The following NIPBL variants were observed in gnomAD, a reference collection of about 807,000 sequenced individuals.
NIPBL encodes nipped-B-like protein.
Under a neutral mutation model 321.8 loss-of-function variants are expected in NIPBL, and 19 were observed. That is an observed-to-expected ratio of 0.06 (90% confidence interval 0.04 to 0.09). The LOEUF (loss-of-function observed/expected upper bound fraction) is 0.09. NIPBL is among the 10% of genes least tolerant of loss of function. NIPBL has a pLI of 1.00. For missense variants in NIPBL, 2,210 were observed against 3,327.0 expected, an observed-to-expected ratio of 0.66 and a Z score of 8.26; for synonymous variants, 1,106 against 1,114.1, an observed-to-expected ratio of 0.99 and a Z score of 0.14.
At chr5:37,035,438 G>A (rs547145037) in intron 32 of NIPBL, among the ~76,000 whole-genome samples, 1 of 152,296 alleles carries the variant, frequency 6.6e-6, no homozygotes, top group South Asian at 2.1e-4. Context: ...TGTTACTCTG[G>A]TTGCTGTCAG....
At chr5:36,999,329 T>A (rs1388115721) in intron 11 of NIPBL, among the ~76,000 whole-genome samples, 1 of 152,314 alleles carries the variant, frequency 6.6e-6, no homozygotes, top group East Asian at 1.9e-4. Context: ...TTTATCATTG[T>A]CAGCAACAAG....
At chr5:36,936,975 C>T (rs1738503307) in intron 1 of NIPBL, among the ~76,000 whole-genome samples, 1 of 152,088 alleles carries the variant, frequency 6.6e-6, no homozygotes, top group African/African-American at 2.4e-5. Context: ...AGTTTGTTCA[C>T]ATATAGCCTT....
intron 45 of NIPBL, 113 bp from the exon 46 acceptor site, chr5:37,063,677 G>A: frequency 2.0e-6 from 2 of 1,009,480 alleles, no homozygotes; most frequent in Non-Finnish European, 3.0e-6. Context: ...TTAGATGATG[G>A]CTAACGTCTG....
Position 37,014,565 on chromosome 5 carries a change from T to A in NIPBL, c.4561-118T>A, listed in dbSNP as rs948947800. 35 of 654,838 alleles carry A rather than the reference T, an allele frequency of 5.3e-5. No homozygotes were observed. In the African/African-American group the frequency reaches 6.3e-4, roughly 12 times the overall value. The allele number at this position is 654,838 out of a possible 1,614,324, so 40.6% of individuals were successfully genotyped here. A position where few individuals can be genotyped will look rare whatever the true frequency, so the allele number is the denominator to read the frequency against. ...GCTTCTCTTATTATATATAATGTAA[T>A]AGTTTAAGCATTTTAGTATTTAAAT... On this transcript the variant is annotated intron_variant, in intron 21 of 46. Coordinates refer to ENST00000282516, the MANE Select transcript of NIPBL (RefSeq NM_133433.4).
intron 4 of NIPBL, among the ~76,000 whole-genome samples, chr5:36,959,928 A>G (rs1032030267): frequency 7.9e-5 from 12 of 151,996 alleles, no homozygotes; most frequent in African/African-American, 2.9e-4. Context: ...CTGGTGATAT[A>G]TGGCTTTGAA....
chr5:36,992,873 G>T (rs1252890405), intron 10 of NIPBL, among the ~76,000 whole-genome samples: 2 of 151,914 alleles, frequency 1.3e-5, no homozygotes, highest in Admixed American at 6.6e-5. Context: ...CTCCCGAGTA[G>T]CTGGGACTAC....
In NIPBL at chr5:36,876,830, GCCCTCCCCC is replaced by G; in HGVS notation, c.-420_-412del. 4.9e-6 allele frequency: 1 copy of G among 203,378 alleles called. No homozygotes were observed. 12.6% of individuals were successfully genotyped at this position (203,378 alleles called of 1,614,324 possible). A position where few individuals can be genotyped will look rare whatever the true frequency, so the allele number is the denominator to read the frequency against. Reference sequence around the variant, plus strand: ...GACACACACAGGGCTCCTTCCCCCCGCCCTCCCCCCCCTCCCTCCGTCGGTACCGACTCA... The same window carrying G: ...GACACACACAGGGCTCCTTCCCCCCGCCCTCCCTCCGTCGGTACCGACTCA... On this transcript the variant is annotated 5_prime_UTR_variant, in exon 1 of 47. Transcript: ENST00000282516.
rs572178354 is a variant in NIPBL at position 37,020,451 on chromosome 5, C to T, written c.5011-8C>T. On this transcript the variant is annotated splice_polypyrimidine_tract_variant and splice_region_variant and intron_variant, in intron 25 of 46. Transcript: ENST00000282516. ...CATCAAGCTCAAGTCTGTCTAATTTCTTTCCAGTTTTCTCGTAAATTCTAT... is the reference window on the plus strand; with the variant it reads ...CATCAAGCTCAAGTCTGTCTAATTTTTTTCCAGTTTTCTCGTAAATTCTAT... 3.1e-6 allele frequency: 5 copies of T among 1,594,006 alleles called. No homozygotes were observed. The Admixed American group carries it at 5.0e-5, about 16-fold the overall frequency.
In NIPBL at chr5:37,057,213, A is replaced by G; in HGVS notation, c.7291A>G (p.Ile2431Val). Residue 2431 changes from isoleucine to valine, a missense_variant, in exon 43 of 47, where the codon ATA (isoleucine) becomes GTA (valine). Physicochemically the swap from Ile to Val is conservative, Grantham distance 29. Around this residue, in one of 14 missense-constraint regions of NIPBL, gnomAD observed 112 missense variants for 288.3 expected, o/e 0.39. Coordinates refer to ENST00000282516, the MANE Select transcript of NIPBL (RefSeq NM_133433.4). ...AACAGACGTGACTATGCTCTTGTATATAGCAGACAATCTAGCCTGTTTTCC... is the reference window on the plus strand; with the variant it reads ...AACAGACGTGACTATGCTCTTGTATGTAGCAGACAATCTAGCCTGTTTTCC... ...AKTDVTMLLY[I>V]ADNLACFPYQ... The G allele has an allele frequency of 1.2e-6, 2 of 1,613,858 alleles. No individual in the cohort carries two copies. The highest frequency in any genetic ancestry group is 1.1e-5 in the South Asian group (1 of 91,076).
chr5:37,055,993 T>C (rs886593280), intron 42 of NIPBL, among the ~76,000 whole-genome samples: 1 of 151,848 alleles, frequency 6.6e-6, no homozygotes, highest in Non-Finnish European at 1.5e-5. Flanking sequence ...TAAAAAAAAA[T>C]AGTGGGGAAG....
intron 39 of NIPBL, 138 bp from the exon 40 acceptor site, chr5:37,048,971 TCA>T: frequency 3.8e-6 from 3 of 787,592 alleles, no homozygotes; most frequent in Non-Finnish European, 6.4e-6. Flanking sequence ...ACACACACAC[TCA>T]CACACAGATT....
At chr5:36,963,463 T>C (rs1258189632) in intron 6 of NIPBL, among the ~76,000 whole-genome samples, 1 of 152,206 alleles carries the variant, frequency 6.6e-6, no homozygotes, top group Admixed American at 6.5e-5. Context: ...TGAGCTTTTT[T>C]ACACACGAAC....
At chr5:36,895,453 T>G (rs190506465) in intron 1 of NIPBL, among the ~76,000 whole-genome samples, 1 of 152,348 alleles carries the variant, frequency 6.6e-6, no homozygotes, top group African/African-American at 2.4e-5. Flanking sequence ...TCTGTGTGGA[T>G]ATGTTTTTAC....
chr5:36,959,350 TTGAA>T (rs1431875093), intron 4 of NIPBL, among the ~76,000 whole-genome samples: 1 of 152,216 alleles, frequency 6.6e-6, no homozygotes, highest in African/African-American at 2.4e-5. Flanking sequence ...CTTGTGTTGT[TTGAA>T]TGGTATTTTG....
chr5:36,955,896 G>A (rs576338213), intron 3 of NIPBL, among the ~76,000 whole-genome samples: 1 of 151,954 alleles, frequency 6.6e-6, no homozygotes, highest in South Asian at 2.1e-4. Flanking sequence ...TATCTTGGGG[G>A]ATCCATCATT....
At chr5:36,930,247 T>C (rs1053600994) in intron 1 of NIPBL, among the ~76,000 whole-genome samples, 3 of 152,126 alleles carry the variant, frequency 2.0e-5, no homozygotes, top group Admixed American at 2.0e-4. Context: ...CAGTGTCTTA[T>C]AACAGTGTGC....
At position 37,000,849 on chromosome 5, in the gene NIPBL, A is replaced by G. The variant is rs1444533897; in HGVS notation, c.3535A>G (p.Lys1179Glu). 2 of 1,612,306 alleles carry G rather than the reference A, an allele frequency of 1.2e-6. No individual in the cohort carries two copies. The highest frequency in any genetic ancestry group is 2.2e-5 in the South Asian group (2 of 91,026). The change falls in exon 13 of 47, where the codon AAG becomes GAG. Residue 1179 changes from lysine to glutamate, a missense_variant. Transcript: ENST00000282516. ...GAAAATGAAGAAAAAAGAAAAACAG[A>G]AGAAAAGGAAAGCATATGAACCAAA... ...ARKMKKKEKQKKRKAYEPKLT... is the reference protein window; with the variant it reads ...ARKMKKKEKQEKRKAYEPKLT...
intron 6 of NIPBL, among the ~76,000 whole-genome samples, chr5:36,967,569 T>C (rs1209753827): frequency 6.6e-6 from 1 of 152,120 alleles, no homozygotes; most frequent in Non-Finnish European, 1.5e-5. Flanking sequence ...TCAGGTGAAG[T>C]GAGGGGAGTA....
At chr5:37,008,529 C>G (rs2149679404) in intron 19 of NIPBL, 94 bp from the exon 20 acceptor site, 2 of 736,182 alleles carry the variant, frequency 2.7e-6, no homozygotes, top group East Asian at 5.0e-5. Context: ...CATTTTCATT[C>G]TAAATGGCAG....
Sources: allele counts gnomAD v4.1 joint callset (sites outside exome capture counted in the v4.1 genomes callset), GRCh38; gene constraint gnomAD v4.1.1; regional missense constraint gnomAD v4.1.1; transcripts MANE v1.5; gene names NCBI Gene and HGNC (gene_info 2026-07-23, HGNC 2026-07-21).